PDE4D: variants seen among roughly 807,000 people sequenced by gnomAD.
PDE4D encodes 3',5'-cyclic-AMP phosphodiesterase 4D.
In PDE4D, 24 loss-of-function variants were observed where a neutral mutation model predicts 87.4. The observed-to-expected ratio is 0.27, with a 90% CI of 0.20 to 0.39. The LOEUF (loss-of-function observed/expected upper bound fraction) is 0.39. Among genes scored for constraint, PDE4D ranks in the 10% least tolerant of loss-of-function variants. The pLI is 1.00. For synonymous variants in PDE4D, 384 were observed against 383.2 expected (o/e 1.00, Z -0.02); for missense variants, 714 against 1,041.0 (o/e 0.69, Z 4.32).
At chr5:59,674,573 C>A (rs760392678) in intron 1 of PDE4D, among the ~76,000 whole-genome samples, 2 of 152,162 alleles carry the variant, frequency 1.3e-5, no homozygotes, top group South Asian at 2.1e-4. Context: ...ACAAGTGGCA[C>A]CTTATTTGAT....
chr5:60,070,077 A>C (rs1772540976), intron 2 of PDE4D, among the ~76,000 whole-genome samples: 1 of 152,028 alleles, frequency 6.6e-6, no homozygotes, highest in Non-Finnish European at 1.5e-5. Flanking sequence ...ACAGTTTCTT[A>C]ATTGAATCTT....
rs1581383266 is a variant in PDE4D at position 59,843,922 on chromosome 5, G to A, written c.455+49246C>T. 2.6e-5 allele frequency among the ~76,000 whole-genome samples: 4 copies of A among 152,144 alleles called. 1 individual carries two copies. The highest frequency in any genetic ancestry group is 9.6e-5 in the African/African-American group (4 of 41,560). ...TAGATATAAGAAAATTGAGGTAGAG[G>A]GAGGTTAATTGCTTTAATGCCTCCA... On this transcript the variant is annotated intron_variant, in intron 1 of 14. Coordinates refer to ENST00000340635, the MANE Select transcript of PDE4D (RefSeq NM_001104631.2).
At chr5:60,364,506 G>C (rs75593935) in intron 1 of PDE4D, among the ~76,000 whole-genome samples, 5,762 of 152,048 alleles carry the variant, frequency 0.038, 143 homozygotes, top group East Asian at 0.12. Context: ...TTAATACATT[G>C]TAAAATATTA....
chr5:59,808,870 A>C (rs1192191447), intron 1 of PDE4D, among the ~76,000 whole-genome samples: 1 of 152,076 alleles, frequency 6.6e-6, no homozygotes, highest in East Asian at 1.9e-4. Flanking sequence ...CTTGCAGCCA[A>C]GGACAGCTAG....
rs1362545855 is a variant in PDE4D, at chr5:60,185,157, G to A, written c.42+400C>T. On this transcript the variant is annotated intron_variant, in intron 2 of 16. Transcript: ENST00000502484. Reference sequence around the variant, plus strand: ...CATAGAAGGGAAGAACTTTCAGAATGTGACTGGTTGAAGTAACTAATAACA... The same window carrying A: ...CATAGAAGGGAAGAACTTTCAGAATATGACTGGTTGAAGTAACTAATAACA... Among the ~76,000 whole-genome samples, 4 of 152,118 alleles carry A rather than the reference G, an allele frequency of 2.6e-5. No individual in the cohort carries two copies. In the East Asian group the frequency reaches 7.7e-4, roughly 29 times the overall value.
intron 2 of PDE4D, among the ~76,000 whole-genome samples, chr5:60,059,338 T>C (rs924482358): frequency 6.6e-6 from 1 of 151,978 alleles, no homozygotes; most frequent in South Asian, 2.1e-4. Flanking sequence ...CTGTATTACA[T>C]AATATCTTGT....
chr5:60,232,724 A>G (rs954980454), intron 1 of PDE4D, among the ~76,000 whole-genome samples: 2 of 151,904 alleles, frequency 1.3e-5, no homozygotes, highest in Non-Finnish European at 2.9e-5. Flanking sequence ...CAAAACATAA[A>G]GAAGCCTTAC....
intron 1 of PDE4D, among the ~76,000 whole-genome samples, chr5:59,506,735 A>G (rs1809338138): frequency 6.6e-6 from 1 of 152,202 alleles, no homozygotes; most frequent in Non-Finnish European, 1.5e-5. Context: ...TAAAATTACA[A>G]TGAAATAACA....
chr5:59,649,319 T>A (rs1236708597), intron 1 of PDE4D, among the ~76,000 whole-genome samples: 1 of 152,090 alleles, frequency 6.6e-6, no homozygotes, highest in Non-Finnish European at 1.5e-5. Flanking sequence ...ATGATATAAA[T>A]CCAAAGCATT....
Position 59,946,640 on chromosome 5 carries a change from G to C in PDE4D, c.272+41848C>G, listed in dbSNP as rs147116924. ...ATTTGCTCTAGCTGTGGAGTCCTTA[G>C]CATTTGCCAGGTTTTAACAGTGAGG... On this transcript the variant is annotated intron_variant, in intron 3 of 16. Transcript: ENST00000502484. 1.2e-4 allele frequency among the ~76,000 whole-genome samples: 19 copies of C among 152,286 alleles called. No individual in the cohort carries two copies. In the East Asian group the frequency reaches 3.7e-3, roughly 29 times the overall value.
chr5:59,330,389 G>A (rs1036154707), intron 1 of PDE4D, among the ~76,000 whole-genome samples: 2 of 152,032 alleles, frequency 1.3e-5, no homozygotes, highest in African/African-American at 4.8e-5. Context: ...ACTAGCCCCA[G>A]GCAACCTGTT....
intron 1 of PDE4D, among the ~76,000 whole-genome samples, chr5:59,240,249 T>G (rs1227158297): frequency 2.6e-5 from 4 of 152,156 alleles, no homozygotes; most frequent in African/African-American, 9.7e-5. Context: ...TGACAGTGAC[T>G]TTGTCAGAGG....
chr5:60,493,370 C>A (rs2150237257), intron 1 of PDE4D, among the ~76,000 whole-genome samples: 1 of 152,290 alleles, frequency 6.6e-6, no homozygotes, highest in South Asian at 2.1e-4. Flanking sequence ...AATACATGAA[C>A]CATGTCTGGA....
chr5:59,302,383 A>ATTTT (rs565992485), intron 1 of PDE4D, among the ~76,000 whole-genome samples: 4 of 151,642 alleles, frequency 2.6e-5, no homozygotes, highest in African/African-American at 9.7e-5. Context: ...TTTTTATAAA[A>ATTTT]TTTTTTTCCA....
chr5:59,291,654 G>A (rs144221996), intron 1 of PDE4D, among the ~76,000 whole-genome samples: 390 of 151,298 alleles, frequency 2.6e-3, no homozygotes, highest in Middle Eastern at 0.024. Flanking sequence ...TGATTATTAT[G>A]CATTGTATGT....
intron 1 of PDE4D, among the ~76,000 whole-genome samples, chr5:59,832,228 C>T (rs1741351547): frequency 6.6e-6 from 1 of 152,018 alleles, no homozygotes; most frequent in Non-Finnish European, 1.5e-5. Context: ...CTTGCATAGA[C>T]TCAAAGTAGT....
At chr5:59,802,050 GA>G (rs1024813981) in intron 1 of PDE4D, among the ~76,000 whole-genome samples, 2 of 150,232 alleles carry the variant, frequency 1.3e-5, no homozygotes, top group Admixed American at 1.3e-4. Context: ...TAATCTTCCA[GA>G]AAAAAAAAGT....
chr5:60,176,257 C>T (rs1433342123), intron 2 of PDE4D, among the ~76,000 whole-genome samples: 1 of 152,166 alleles, frequency 6.6e-6, no homozygotes, highest in African/African-American at 2.4e-5. Context: ...CAAGGAAAAA[C>T]AAATGATGCC....
chr5:59,725,871 G>A (rs1756529718), intron 1 of PDE4D, among the ~76,000 whole-genome samples: 1 of 151,688 alleles, frequency 6.6e-6, no homozygotes, highest in African/African-American at 2.4e-5. Flanking sequence ...AAGATTGATT[G>A]GAATAAAGAA....
Sources: gnomAD v4.1 joint callset for allele counts (sites outside exome capture counted in the v4.1 genomes callset) on GRCh38, gnomAD v4.1.1 for gene constraint, MANE v1.5 for transcripts, NCBI Gene and HGNC (gene_info 2026-07-23, HGNC 2026-07-21) for gene names.